Variants in OPCML observed in about 807,000 individuals in gnomAD.
OPCML encodes the protein opioid binding protein/cell adhesion molecule like.
In OPCML, 13 loss-of-function variants were observed where a neutral mutation model predicts 37.8. That is an observed-to-expected ratio of 0.34 (90% CI 0.22 to 0.55). The LOEUF (loss-of-function observed/expected upper bound fraction) is 0.55. Among genes scored for constraint, OPCML ranks in the 20% least tolerant of loss-of-function variants. OPCML has a pLI of 0.91. For missense variants in OPCML, 341 were observed against 435.6 expected (o/e 0.78, Z 1.93); for synonymous variants, 176 against 168.8 (o/e 1.04, Z -0.33).
At chr11:133,483,830 A>ATAGATAGATAGGG (rs1947453313) in intron 1 of OPCML, among the ~76,000 whole-genome samples, 1 of 58,292 alleles carries the variant, frequency 1.7e-5, no homozygotes, top group Admixed American at 1.6e-4. Context: ...GATAGATAGG[A>ATAGATAGATAGGG]TGGATACATA....
At chr11:132,904,103 TG>T (rs1159509843) in intron 2 of OPCML, among the ~76,000 whole-genome samples, 2 of 152,088 alleles carry the variant, frequency 1.3e-5, no homozygotes, top group Non-Finnish European at 2.9e-5. Context: ...TCCTAAAGTG[TG>T]GGGGAAAAGG....
chr11:132,859,508 C>T (rs1942207713), intron 2 of OPCML: 2 of 152,200 alleles, frequency 1.3e-5, no homozygotes, highest in Admixed American at 1.3e-4. Flanking sequence ...AATGAGGAAA[C>T]TCGTGTGGAC....
intron 1 of OPCML, among the ~76,000 whole-genome samples, chr11:133,515,761 A>C (rs1386967353): frequency 1.3e-5 from 2 of 152,060 alleles, no homozygotes; most frequent in African/African-American, 4.8e-5. Flanking sequence ...ATTTGGGGAA[A>C]CATGTCAAAA....
intron 1 of OPCML, among the ~76,000 whole-genome samples, chr11:133,030,255 C>G (rs1197070264): frequency 6.6e-6 from 1 of 152,198 alleles, no homozygotes; most frequent in Non-Finnish European, 1.5e-5. Flanking sequence ...AAAGCTGAAT[C>G]CCGAAACTTG....
intron 1 of OPCML, among the ~76,000 whole-genome samples, chr11:132,989,266 G>A (rs938572136): frequency 6.6e-6 from 1 of 152,070 alleles, no homozygotes; most frequent in Non-Finnish European, 1.5e-5. Context: ...TAAATCAACT[G>A]AGGAATATTC....
At chr11:132,509,751 T>C (rs2096822) in intron 4 of OPCML, among the ~76,000 whole-genome samples, 30,395 of 152,122 alleles carry the variant, frequency 0.2, 3,132 homozygotes, top group Non-Finnish European at 0.22. Flanking sequence ...TGTATGGAAA[T>C]GCTTGGATGC....
chr11:132,994,171 T>C (rs1565386936), intron 1 of OPCML, among the ~76,000 whole-genome samples: 1 of 152,220 alleles, frequency 6.6e-6, no homozygotes, highest in Non-Finnish European at 1.5e-5. Flanking sequence ...TTAGTCCGAA[T>C]GTAAATAAGA....
intron 1 of OPCML, among the ~76,000 whole-genome samples, chr11:133,494,314 G>A (rs866773949): frequency 7.3e-5 from 11 of 151,610 alleles, no homozygotes; most frequent in African/African-American, 1.5e-4. Context: ...TCAGTGTGGC[G>A]ATTCCTCAGG....
intron 1 of OPCML, among the ~76,000 whole-genome samples, chr11:133,169,064 A>T (rs530159979): frequency 6.6e-6 from 1 of 152,302 alleles, no homozygotes; most frequent in Admixed American, 6.5e-5. Context: ...TGGGAGACGG[A>T]GGTTGCATGA....
At chr11:133,083,144 GCACACACACACA>G (rs139577478) in intron 1 of OPCML, among the ~76,000 whole-genome samples, 5 of 149,474 alleles carry the variant, frequency 3.3e-5, no homozygotes, top group East Asian at 2.0e-4. Flanking sequence ...GCACACACAC[GCACACACACACA>G]CGCACACACC....
At chr11:133,349,803 A>G (rs759839207) in intron 1 of OPCML, among the ~76,000 whole-genome samples, 2 of 152,212 alleles carry the variant, frequency 1.3e-5, no homozygotes, top group Non-Finnish European at 2.9e-5. Context: ...ATCAGAAAAA[A>G]AAATATTTTG....
At chr11:132,555,862 C>G (rs1343101092) in intron 3 of OPCML, among the ~76,000 whole-genome samples, 1 of 152,050 alleles carries the variant, frequency 6.6e-6, no homozygotes, top group African/African-American at 2.4e-5. Flanking sequence ...GTGAGATCAA[C>G]AAAGGATGAT....
At chr11:133,278,564 G>T (rs969471867) in intron 1 of OPCML, among the ~76,000 whole-genome samples, 3 of 151,966 alleles carry the variant, frequency 2.0e-5, no homozygotes, top group Admixed American at 6.6e-5. Context: ...TATGGTTGGG[G>T]GAGTGGGAAG....
intron 1 of OPCML, among the ~76,000 whole-genome samples, chr11:133,137,652 T>G (rs1001108491): frequency 8.5e-5 from 13 of 152,218 alleles, no homozygotes; most frequent in African/African-American, 2.9e-4. Flanking sequence ...AATATCAAGG[T>G]CGCCTGAGAC....
chr11:132,849,605 A>G (rs900261675), intron 2 of OPCML, among the ~76,000 whole-genome samples: 1 of 152,244 alleles, frequency 6.6e-6, no homozygotes, highest in East Asian at 1.9e-4. Flanking sequence ...GGACACTCCC[A>G]TATAAGAAGA....
At chr11:132,852,205 G>T (rs1018082176) in intron 2 of OPCML, among the ~76,000 whole-genome samples, 1 of 152,094 alleles carries the variant, frequency 6.6e-6, no homozygotes, top group African/African-American at 2.4e-5. Context: ...TAGTATATAA[G>T]CACTTAGACC....
At chr11:132,508,776 T>G (rs745530364) in intron 4 of OPCML, among the ~76,000 whole-genome samples, 42 of 152,292 alleles carry the variant, frequency 2.8e-4, no homozygotes, top group Non-Finnish European at 4.6e-4. Context: ...TCCCCAGACA[T>G]GTGGAACTTA....
intron 2 of OPCML, among the ~76,000 whole-genome samples, chr11:132,935,926 G>A (rs780730657): frequency 2.6e-5 from 4 of 152,198 alleles, no homozygotes; most frequent in Admixed American, 1.3e-4. Context: ...GGTTCCATAT[G>A]TGCTATGGGA....
intron 4 of OPCML, among the ~76,000 whole-genome samples, chr11:132,495,269 T>G (rs2096227790): frequency 6.6e-6 from 1 of 152,172 alleles, no homozygotes; most frequent in African/African-American, 2.4e-5. Flanking sequence ...GCAATGACAT[T>G]TATACTGAAA....
Sources: allele counts gnomAD v4.1 joint callset (sites outside exome capture counted in the v4.1 genomes callset), GRCh38; gene constraint gnomAD v4.1.1; transcripts MANE v1.5; gene names NCBI Gene and HGNC (gene_info 2026-07-23, HGNC 2026-07-21).